Variants in PTPRM observed in about 807,000 individuals in gnomAD.
PTPRM encodes protein tyrosine phosphatase receptor type M, also known as receptor-type tyrosine-protein phosphatase mu.
PTPRM carries 47 observed loss-of-function variants against 186.7 expected under a neutral mutation model. The observed-to-expected ratio is 0.25, with a 90% CI of 0.20 to 0.32. The LOEUF (loss-of-function observed/expected upper bound fraction) is 0.32. Ranked by LOEUF, PTPRM falls within the 10% of genes least tolerant of loss-of-function variation. The pLI, the probability that PTPRM is intolerant of heterozygous loss-of-function variation, is 1.00. For synonymous variants in PTPRM, 668 were observed against 674.9 expected (o/e 0.99, Z 0.16); for missense variants, 1,494 against 1,865.0 (o/e 0.80, Z 3.66).
At chr18:7,796,677 C>G (rs376091697) in intron 2 of PTPRM, among the ~76,000 whole-genome samples, 4 of 152,206 alleles carry the variant, frequency 2.6e-5, no homozygotes, top group African/African-American at 9.6e-5. Flanking sequence ...CCAAGCAGCT[C>G]TGGATGCTGT....
In PTPRM at chr18:7,628,917, A is replaced by C. The variant is rs138368566; in HGVS notation, c.73+61026A>C. 6.1e-4 allele frequency among the ~76,000 whole-genome samples: 93 copies of C among 152,320 alleles called. No individual in the cohort carries two copies. In the East Asian group the frequency reaches 0.015, roughly 24 times the overall value. ...TCCCAGTTTAACAATGAGGAAGCTG[A>C]GGTTGGCAAGGTTCGCAGTTTCCAG... is the stretch of plus-strand genomic sequence containing the variant. On this transcript the variant is annotated intron_variant, in intron 1 of 32. Transcript: ENST00000580170.
At chr18:8,096,673 A>G (rs1422055244) in intron 11 of PTPRM, among the ~76,000 whole-genome samples, 2 of 152,188 alleles carry the variant, frequency 1.3e-5, no homozygotes, top group African/African-American at 4.8e-5. Flanking sequence ...CTGCTCTGCC[A>G]TTTGCTCTCG....
intron 22 of PTPRM, among the ~76,000 whole-genome samples, chr18:8,342,412 C>T (rs957398083): frequency 6.6e-6 from 1 of 152,152 alleles, no homozygotes; most frequent in African/African-American, 2.4e-5. Flanking sequence ...AAGTAACTTG[C>T]CCCTAATCAC....
chr18:7,683,805 C>T (rs1213706131), intron 1 of PTPRM, among the ~76,000 whole-genome samples: 1 of 152,036 alleles, frequency 6.6e-6, no homozygotes, highest in Admixed American at 6.6e-5. Context: ...ATCAGGAAGC[C>T]CAGATCAAGG....
intron 7 of PTPRM, among the ~76,000 whole-genome samples, chr18:7,962,076 T>C (rs569960102): frequency 5.9e-5 from 9 of 152,350 alleles, no homozygotes; most frequent in Non-Finnish European, 8.8e-5. Context: ...TCAATCTTTG[T>C]TCTGTGAAAC....
intron 32 of PTPRM, 88 bp from the exon 33 acceptor site, chr18:8,406,021 C>A: frequency 8.7e-7 from 1 of 1,152,222 alleles, no homozygotes; most frequent in Non-Finnish European, 1.3e-6. Flanking sequence ...TGATGTCTTC[C>A]CATTAAGACC....
intron 23 of PTPRM, chr18:8,365,879 G>A (rs547395195): frequency 6.6e-6 from 1 of 152,338 alleles, no homozygotes; most frequent in South Asian, 2.1e-4. Context: ...ATTTTCATTT[G>A]TTCAATTTCC....
chr18:7,931,385 A>G (rs1415305776), intron 5 of PTPRM, among the ~76,000 whole-genome samples: 1 of 152,162 alleles, frequency 6.6e-6, no homozygotes, highest in African/African-American at 2.4e-5. Context: ...TTCTTTTTAT[A>G]CTTTCTGTAC....
chr18:8,358,251 A>G (rs372150976), intron 23 of PTPRM, among the ~76,000 whole-genome samples: 2 of 137,996 alleles, frequency 1.4e-5, no homozygotes, highest in South Asian at 2.2e-4. Flanking sequence ...CATGACACGC[A>G]CACACACACA....
intron 9 of PTPRM, among the ~76,000 whole-genome samples, chr18:8,082,964 CT>C (rs146777387): frequency 6.6e-6 from 1 of 151,888 alleles, no homozygotes; most frequent in African/African-American, 2.4e-5. Flanking sequence ...ATTCCATCCT[CT>C]TTTTTTTATA....
chr18:8,108,212 T>G (rs529197712), intron 11 of PTPRM, among the ~76,000 whole-genome samples: 3 of 152,174 alleles, frequency 2.0e-5, no homozygotes, highest in Non-Finnish European at 4.4e-5. Flanking sequence ...TTTATACATA[T>G]ATAATGGATG....
In PTPRM at chr18:7,687,823, A is replaced by G. The variant is rs962940376; in HGVS notation, c.74-86326A>G. 2.5e-4 allele frequency among the ~76,000 whole-genome samples: 37 copies of G among 150,276 alleles called. No individual in the cohort carries two copies. In the South Asian group the frequency reaches 4.8e-3, roughly 20 times the overall value. On this transcript the variant is annotated intron_variant, in intron 1 of 32. Transcript: ENST00000580170. ...AGACGGAGTCTCACTGTGTCACCAG[A>G]CTGGAGTGCAGTGGTGCAATCTCGG...
intron 13 of PTPRM, among the ~76,000 whole-genome samples, chr18:8,129,923 G>A (rs2092461545): frequency 6.6e-6 from 1 of 152,148 alleles, no homozygotes; most frequent in Non-Finnish European, 1.5e-5. Flanking sequence ...AAGAGAAAAA[G>A]CACAGTCCTT....
intron 23 of PTPRM, among the ~76,000 whole-genome samples, chr18:8,367,308 G>A (rs1402736570): frequency 6.6e-6 from 1 of 152,192 alleles, no homozygotes; most frequent in Non-Finnish European, 1.5e-5. Flanking sequence ...CCTGTTCTGG[G>A]CCCGCCCCGC....
chr18:8,177,321 CT>C (rs1202355863), intron 14 of PTPRM, among the ~76,000 whole-genome samples: 1 of 152,148 alleles, frequency 6.6e-6, no homozygotes, highest in Non-Finnish European at 1.5e-5. Flanking sequence ...AAAATAAAAA[CT>C]TTAGACAAAT....
chr18:7,788,152 T>C (rs2043177255), intron 2 of PTPRM, among the ~76,000 whole-genome samples: 1 of 152,184 alleles, frequency 6.6e-6, no homozygotes, highest in African/African-American at 2.4e-5. Context: ...GGGAAAAAGA[T>C]TTTGGAAGCA....
chr18:7,979,058 C>G (rs1462526877), intron 7 of PTPRM, among the ~76,000 whole-genome samples: 1 of 152,036 alleles, frequency 6.6e-6, no homozygotes, highest in Non-Finnish European at 1.5e-5. Flanking sequence ...TCTTTAATTT[C>G]ATTCCTGGCT....
chr18:7,848,879 G>A (rs1387636766), intron 2 of PTPRM, among the ~76,000 whole-genome samples: 1 of 152,114 alleles, frequency 6.6e-6, no homozygotes, highest in Non-Finnish European at 1.5e-5. Flanking sequence ...CATTTAAAAT[G>A]TTGGTAATTT....
chr18:7,882,115 T>C (rs1265853134), intron 2 of PTPRM, among the ~76,000 whole-genome samples: 1 of 152,180 alleles, frequency 6.6e-6, no homozygotes, highest in East Asian at 1.9e-4. Flanking sequence ...GCCCACTCAT[T>C]GTTTCTGGTC....
Sources: gnomAD v4.1 joint callset for allele counts (sites outside exome capture counted in the v4.1 genomes callset) on GRCh38, gnomAD v4.1.1 for gene constraint, MANE v1.5 for transcripts, NCBI Gene and HGNC (gene_info 2026-07-23, HGNC 2026-07-21) for gene names.